The following TEX15 variants were observed in gnomAD, a reference collection of about 807,000 sequenced individuals.
The protein encoded by TEX15 is testis-expressed protein 15.
A neutral mutation model predicts 237.3 loss-of-function variants in TEX15; 171 were observed. The observed-to-expected ratio is 0.72, with a 90% CI of 0.64 to 0.82. TEX15 has a LOEUF of 0.82. Among genes scored for constraint, TEX15 ranks in the 40% least tolerant of loss-of-function variants. TEX15 has a pLI of 0.00. For synonymous variants in TEX15, 1,338 were observed against 1,269.8 expected (o/e 1.05, Z -1.14); for missense variants, 3,750 against 3,646.5 (o/e 1.03, Z -0.73).
At chr8:30,864,707 AG>A (rs1808124208) in intron 5 of TEX15, among the ~76,000 whole-genome samples, 1 of 151,916 alleles carries the variant, frequency 6.6e-6, no homozygotes, top group Non-Finnish European at 1.5e-5. Context: ...CAAAACCAAA[AG>A]GATGCTAATA....
intron 3 of TEX15, 155 bp downstream of exon 3, chr8:30,887,012 T>G: frequency 1.7e-6 from 1 of 590,398 alleles, no homozygotes; most frequent in Non-Finnish European, 2.7e-6. Flanking sequence ...TCTATTCTAT[T>G]TTGAGTGGAA....
chr8:30,876,252 T>C (rs1808398760), intron 3 of TEX15, among the ~76,000 whole-genome samples: 2 of 152,196 alleles, frequency 1.3e-5, no homozygotes, highest in African/African-American at 2.4e-5. Flanking sequence ...GCTGGTTATT[T>C]AAAAAAATTC....
intron 3 of TEX15, among the ~76,000 whole-genome samples, chr8:30,882,498 G>C (rs932140679): frequency 6.6e-6 from 1 of 152,142 alleles, no homozygotes; most frequent in Non-Finnish European, 1.5e-5. Context: ...GTGTAAGCCA[G>C]GATGGTCCCA....
Position 30,843,522 on chromosome 8 carries a change from A to G in TEX15, c.6645T>C (p.Thr2215=). 1 of 1,613,216 alleles carries G rather than the reference A, an allele frequency of 6.2e-7. No individual in the cohort carries two copies. Among genetic ancestry groups the G allele is most frequent in the Non-Finnish European group, 8.5e-7 (1 of 1,179,688 alleles). ...LEDLEILRKS[T]LKLINVCGDS... is the part of the protein sequence containing the mutation. ...CCCCACATACATTGATCAACTTTAA[A>G]GTACTTTTTCTTAAGATTTCCAGGT... Residue 2215 remains threonine, a synonymous_variant, in exon 8 of 11, where the codon ACT becomes ACC. Transcript: ENST00000643185.
rs1379059848 is a variant in TEX15, at chr8:30,832,791, A to T, written c.*495T>A. ...CTCTACTCAAGGAAACACTGAGATT[A>T]TGCAAACCAATTTTTCTTATTAAAA... On this transcript the variant is annotated 3_prime_UTR_variant, in exon 11 of 11. Coordinates refer to ENST00000643185, the MANE Select transcript of TEX15 (RefSeq NM_001350162.2). 1.3e-5 allele frequency: 2 copies of T among 152,324 alleles called. No individual in the cohort carries two copies. The highest frequency in any genetic ancestry group is 4.8e-5 in the African/African-American group (2 of 41,478). 9.4% of individuals were successfully genotyped at this position (152,324 alleles called of 1,614,324 possible).
intron 4 of TEX15, 79 bp from the exon 5 acceptor site, chr8:30,867,581 C>A: frequency 1.2e-6 from 1 of 805,610 alleles, no homozygotes; most frequent in Non-Finnish European, 2.0e-6. Context: ...TTCCACTTAC[C>A]ACAGTTAGAA....
chr8:30,841,694 C>T (rs1383108856), intron 8 of TEX15, among the ~76,000 whole-genome samples: 1 of 152,156 alleles, frequency 6.6e-6, no homozygotes, highest in East Asian at 1.9e-4. Flanking sequence ...GTCTCTCACT[C>T]AGTGTTCATA....
rs560150000 is a variant in TEX15 at position 30,907,539 on chromosome 8, A to C, written c.-86+5340T>G. Among the ~76,000 whole-genome samples, 378 of 146,172 alleles carry C rather than the reference A, an allele frequency of 2.6e-3. 2 individuals are homozygous for C. Among genetic ancestry groups the C allele is most frequent in the African/African-American group, 8.8e-3 (358 of 40,454 alleles). On this transcript the variant is annotated intron_variant, in intron 1 of 10. Transcript: ENST00000643185. Reference sequence around the variant, plus strand: ...AAAATGTATATACAAATTATATATAAAATGTATATACAAAATTTATATATA... The same window carrying C: ...AAAATGTATATACAAATTATATATACAATGTATATACAAAATTTATATATA...
At chr8:30,852,173 C>T (rs1357985397) in intron 7 of TEX15, among the ~76,000 whole-genome samples, 32 of 128,516 alleles carry the variant, frequency 2.5e-4, no homozygotes, top group Admixed American at 4.4e-4. Flanking sequence ...GGCACGATCT[C>T]GGCTCACTAC....
intron 3 of TEX15, among the ~76,000 whole-genome samples, chr8:30,881,912 C>T (rs183749686): frequency 4.7e-4 from 72 of 152,086 alleles, no homozygotes; most frequent in Middle Eastern, 3.4e-3. Context: ...CGTGAGCCAC[C>T]GCACCCAGCC....
At chr8:30,854,060 A>G in intron 7 of TEX15, among the ~76,000 whole-genome samples, 1 of 152,048 alleles carries the variant, frequency 6.6e-6, no homozygotes, top group East Asian at 1.9e-4. Flanking sequence ...AAATATTTGA[A>G]ATCAAAACCT....
Position 30,847,853 on chromosome 8 carries a change from G to T in TEX15, c.2314C>A (p.Pro772Thr). ...TCAATGAACATTTCTTTGGCCTGGG[G>T]TATGTCTTTTGGTTTCGGGAAAGCT... is the stretch of plus-strand genomic sequence containing the variant. ...TEAFPKPKDI[P>T]QAKEMFIDTV... The change falls in exon 8 of 11, where the codon CCC (proline) becomes ACC (threonine). Residue 772 changes from proline (P) to threonine (T), a missense_variant. By Grantham distance (38) the Pro-to-Thr change is conservative. Transcript: ENST00000643185. 6.2e-7 allele frequency: 1 copy of T among 1,613,842 alleles called. No individual in the cohort carries two copies. Among genetic ancestry groups the T allele is most frequent in the Non-Finnish European group, 8.5e-7 (1 of 1,179,940 alleles).
intron 1 of TEX15, among the ~76,000 whole-genome samples, chr8:30,901,063 A>G (rs561485608): frequency 5.9e-5 from 9 of 152,326 alleles, no homozygotes; most frequent in Non-Finnish European, 1.2e-4. Context: ...ACTTGAGCCT[A>G]GGAAGTCAAG....
chr8:30,879,705 G>C (rs1808477679), intron 3 of TEX15, among the ~76,000 whole-genome samples: 1 of 152,194 alleles, frequency 6.6e-6, no homozygotes, highest in Admixed American at 6.5e-5. Flanking sequence ...AGTGGATAGA[G>C]TATTTCCATA....
intron 7 of TEX15, among the ~76,000 whole-genome samples, chr8:30,850,703 T>G (rs1390570479): frequency 6.6e-6 from 1 of 151,968 alleles, no homozygotes. Context: ...AAAAACTCCA[T>G]AAAAGTACTA....
At chr8:30,898,554 G>A (rs1808949940) in intron 2 of TEX15, among the ~76,000 whole-genome samples, 188 bp downstream of exon 2, 1 of 152,072 alleles carries the variant, frequency 6.6e-6, no homozygotes, top group Admixed American at 6.6e-5. Context: ...GATTAAGACA[G>A]TACCCAATAA....
At chr8:30,893,202 G>T (rs1808830520) in intron 2 of TEX15, among the ~76,000 whole-genome samples, 1 of 152,206 alleles carries the variant, frequency 6.6e-6, no homozygotes, top group East Asian at 1.9e-4. Context: ...AAACAAAAGT[G>T]CAGGGAAGTT....
rs746966459 is a variant in TEX15 at position 30,844,806 on chromosome 8, G to A, written c.5361C>T (p.Val1787=). 8 of 1,613,366 alleles carry A rather than the reference G, an allele frequency of 5.0e-6. No homozygotes were observed. The highest frequency in any genetic ancestry group is 3.3e-5 in the South Asian group (3 of 91,050). The part of the protein sequence containing the change: ...CLHTDGNETN[V]TENYELDVAS... ...CTACATCCAACTCATAATTCTCAGT[G>A]ACATTTGTTTCATTCCCATCTGTAT... The change falls in exon 8 of 11, where the codon GTC becomes GTT. Residue 1787 remains valine, a synonymous_variant. Coordinates refer to ENST00000643185, the MANE Select transcript of TEX15 (RefSeq NM_001350162.2).
chr8:30,844,793 CAT>C lies in TEX15; in HGVS notation c.5372_5373del (p.Tyr1791Ter). On this transcript the variant is annotated frameshift_variant, in exon 8 of 11. Transcript: ENST00000643185. LOFTEE classifies it high-confidence loss of function. ...DGNETNVTEN[Y>X]ELDVASGTEE... ...TCAGTTCCTGATGCTACATCCAACT[CAT>C]AATTCTCAGTGACATTTGTTTCATT... is the stretch of plus-strand genomic sequence containing the variant. 2.5e-6 allele frequency: 4 copies of C among 1,613,498 alleles called. No homozygotes were observed. Among genetic ancestry groups the C allele is most frequent in the Non-Finnish European group, 3.4e-6 (4 of 1,179,594 alleles).
Sources: gnomAD v4.1 joint callset for allele counts (sites outside exome capture counted in the v4.1 genomes callset) on GRCh38, gnomAD v4.1.1 for gene constraint, MANE v1.5 for transcripts, NCBI Gene and HGNC (gene_info 2026-07-23, HGNC 2026-07-21) for gene names.